TAOK1: variants seen among roughly 807,000 people sequenced by gnomAD.
TAOK1 encodes the protein TAO kinase 1.
A neutral mutation model predicts 138.3 loss-of-function variants in TAOK1; 21 were observed. That is an observed-to-expected ratio of 0.15 (90% confidence interval 0.11 to 0.22). The LOEUF is 0.22. Among genes scored for constraint, TAOK1 ranks in the 10% least tolerant of loss-of-function variants. TAOK1 has a pLI of 1.00. For synonymous variants in TAOK1, 361 were observed against 398.4 expected (o/e 0.91, Z 1.12); for missense variants, 651 against 1,227.7 (o/e 0.53, Z 7.02).
chr17:29,457,295 G>A (rs1433584841), intron 2 of TAOK1, among the ~76,000 whole-genome samples: 1 of 146,810 alleles, frequency 6.8e-6, no homozygotes, highest in Non-Finnish European at 1.5e-5. Flanking sequence ...TTGAGATGGG[G>A]TTTCACCATG....
intron 1 of TAOK1, among the ~76,000 whole-genome samples, chr17:29,443,339 G>A (rs916402163): frequency 2.6e-5 from 4 of 152,092 alleles, no homozygotes; most frequent in Non-Finnish European, 5.9e-5. Flanking sequence ...TCTTTTTGTT[G>A]CTCTTGAATG....
intron 1 of TAOK1, among the ~76,000 whole-genome samples, chr17:29,405,866 A>T (rs1207235758): frequency 6.6e-6 from 1 of 152,150 alleles, no homozygotes; most frequent in Non-Finnish European, 1.5e-5. Flanking sequence ...TATTTCTTAT[A>T]TTTTTTGAGT....
chr17:29,420,747 G>A (rs546734741), intron 1 of TAOK1, among the ~76,000 whole-genome samples: 56 of 151,842 alleles, frequency 3.7e-4, no homozygotes, highest in South Asian at 1.5e-3. Context: ...CAGCATGCCT[G>A]GCTAATTTTG....
intron 13 of TAOK1, among the ~76,000 whole-genome samples, chr17:29,506,357 G>A (rs1444194965): frequency 2.0e-5 from 3 of 152,114 alleles, no homozygotes; most frequent in Non-Finnish European, 4.4e-5. Flanking sequence ...AATAAGGCAA[G>A]CACAGAAAGA....
rs143251844 is a variant in TAOK1, at chr17:29,524,231, A to G, written c.2148+1712A>G. Among the ~76,000 whole-genome samples the G allele has an allele frequency of 7.6e-3, 1,154 of 152,256 alleles. 51 individuals are homozygous for G. Among genetic ancestry groups the G allele is most frequent in the Admixed American group, 0.069 (1,057 of 15,282 alleles). On this transcript the variant is annotated intron_variant, in intron 17 of 19. Transcript: ENST00000261716. ...ATTTGTTTTTGCAGTGGGGAGATAC[A>G]TAATCATTTAGCTACAGAATAGACA...
intron 1 of TAOK1, among the ~76,000 whole-genome samples, chr17:29,434,542 C>A (rs924147671): frequency 1.3e-5 from 2 of 151,728 alleles, no homozygotes; most frequent in Non-Finnish European, 2.9e-5. Context: ...GTTCTGGCGA[C>A]CTTGGCAGGT....
intron 2 of TAOK1, among the ~76,000 whole-genome samples, chr17:29,466,588 T>C (rs531318355): frequency 6.6e-6 from 1 of 152,362 alleles, no homozygotes; most frequent in African/African-American, 2.4e-5. Flanking sequence ...GTTTCAGTTA[T>C]AGGGTTAAAC....
intron 2 of TAOK1, among the ~76,000 whole-genome samples, chr17:29,464,715 C>A (rs1286210207): frequency 2.0e-5 from 3 of 151,994 alleles, no homozygotes; most frequent in Non-Finnish European, 4.4e-5. Flanking sequence ...TCACCCTTTA[C>A]AGTGAATGGT....
In TAOK1 at chr17:29,397,323, G is replaced by A. The variant is rs570647729; in HGVS notation, c.-95+6299G>A. Among the ~76,000 whole-genome samples the A allele has an allele frequency of 5.3e-5, 8 of 150,410 alleles. No homozygotes were observed. In the South Asian group the frequency reaches 1.7e-3, roughly 31 times the overall value. On this transcript the variant is annotated intron_variant, in intron 1 of 19. Coordinates refer to ENST00000261716, the MANE Select transcript of TAOK1 (RefSeq NM_020791.4). ...AAAATAATAAAAAAGTTAAAAAATG[G>A]CTGGGTGCCGTGGCTCACGCCTGTA... is the stretch of plus-strand genomic sequence containing the variant.
At chr17:29,531,924 G>T (rs533936591) in intron 18 of TAOK1, among the ~76,000 whole-genome samples, 4 of 148,384 alleles carry the variant, frequency 2.7e-5, no homozygotes, top group Non-Finnish European at 5.9e-5. Flanking sequence ...GCAGTGGCAC[G>T]ATCTTGGCTC....
chr17:29,455,729 GT>G (rs60679808), intron 2 of TAOK1, among the ~76,000 whole-genome samples: 93,966 of 147,504 alleles, frequency 0.64, 31,879 homozygotes, highest in East Asian at 0.97. Context: ...TGGATCATGT[GT>G]TTTTTTTTTC....
At chr17:29,521,639 G>A (rs900575494) in intron 16 of TAOK1, among the ~76,000 whole-genome samples, 2 of 152,198 alleles carry the variant, frequency 1.3e-5, no homozygotes, top group Non-Finnish European at 1.5e-5. Flanking sequence ...CTGGAGTGCA[G>A]CGGCTTGATC....
chr17:29,541,103 TTTTGTTTA>T (rs1337674754), intron 19 of TAOK1, among the ~76,000 whole-genome samples: 1 of 152,038 alleles, frequency 6.6e-6, no homozygotes, highest in Admixed American at 6.6e-5. Flanking sequence ...AAAATTTTTG[TTTTGTTTA>T]TTTGTTTGTT....
chr17:29,465,896 C>T (rs1165653204), intron 2 of TAOK1, among the ~76,000 whole-genome samples: 1 of 112,812 alleles, frequency 8.9e-6, no homozygotes, highest in Admixed American at 1.2e-4. Flanking sequence ...AAATAATCAT[C>T]ATGACAGCAT....
chr17:29,442,991 AT>A, intron 1 of TAOK1, among the ~76,000 whole-genome samples: 1 of 152,274 alleles, frequency 6.6e-6, no homozygotes, highest in Middle Eastern at 3.4e-3. Context: ...TATTGTTATA[AT>A]TACATATGTG....
intron 1 of TAOK1, among the ~76,000 whole-genome samples, chr17:29,392,700 C>T (rs1904470496): frequency 6.6e-6 from 1 of 151,906 alleles, no homozygotes. Context: ...TAATTTTTTC[C>T]CAAAGTGAAG....
At chr17:29,504,304 G>A (rs1352809740) in intron 13 of TAOK1, among the ~76,000 whole-genome samples, 11 of 138,032 alleles carry the variant, frequency 8.0e-5, no homozygotes, top group South Asian at 2.3e-4. Context: ...AAAAAGGAAA[G>A]GAAGAAAAGA....
At chr17:29,437,615 TAATC>T (rs1345718435) in intron 1 of TAOK1, among the ~76,000 whole-genome samples, 2 of 152,218 alleles carry the variant, frequency 1.3e-5, no homozygotes, top group Non-Finnish European at 2.9e-5. Flanking sequence ...TAAGATATAA[TAATC>T]TAACTTGGCT....
chr17:29,518,058 G>A (rs917494064), intron 16 of TAOK1, among the ~76,000 whole-genome samples: 6 of 152,172 alleles, frequency 3.9e-5, no homozygotes, highest in African/African-American at 1.2e-4. Flanking sequence ...CTTTCGCCAT[G>A]TTGGCCAGGC....
Sources: gnomAD v4.1 joint callset for allele counts (sites outside exome capture counted in the v4.1 genomes callset) on GRCh38, gnomAD v4.1.1 for gene constraint, MANE v1.5 for transcripts, NCBI Gene and HGNC (gene_info 2026-07-23, HGNC 2026-07-21) for gene names.